Variants in IL17RA observed in about 807,000 individuals in gnomAD.
IL17RA encodes interleukin-17 receptor A.
IL17RA carries 34 observed loss-of-function variants against 50.4 expected under a neutral mutation model. The observed-to-expected ratio is 0.67, with a 90% CI of 0.51 to 0.90. The LOEUF is 0.90. Ranked by LOEUF, IL17RA falls within the 40% of genes least tolerant of loss-of-function variation. The pLI, the probability that IL17RA is intolerant of heterozygous loss-of-function variation, is 0.00. For synonymous variants in IL17RA, 585 were observed against 510.4 expected (o/e 1.15, Z -1.97); for missense variants, 1,276 against 1,169.8 (o/e 1.09, Z -1.32).
rs541931710 is a variant in IL17RA, at chr22:17,086,221, C to CCCTCCA, written c.138+1013_138+1018dup. 1.2e-4 allele frequency among the ~76,000 whole-genome samples: 19 copies of CCCTCCA among 152,108 alleles called. No homozygotes were observed. The East Asian group carries it at 1.7e-3, about 14-fold the overall frequency. On this transcript the variant is annotated intron_variant, in intron 1 of 12. Coordinates refer to ENST00000319363, the MANE Select transcript of IL17RA (RefSeq NM_014339.7). ...CGCATCCCCGAGGGGATCTTTCCTC[C>CCCTCCA]CCTCCACCTCCACCTCCACCTCCAC...
chr22:17,101,640 A>C (rs570619837), intron 5 of IL17RA, among the ~76,000 whole-genome samples: 72 of 152,304 alleles, frequency 4.7e-4, no homozygotes, highest in African/African-American at 1.7e-3. Flanking sequence ...CTGTCCCTCC[A>C]TGGTGATTCA....
rs372834294 is a variant in IL17RA, at chr22:17,098,850, T to G, written c.386T>G (p.Phe129Cys). The G allele has an allele frequency of 6.2e-7, 1 of 1,614,090 alleles. No individual in the cohort carries two copies. The highest frequency in any genetic ancestry group is 8.5e-7 in the Non-Finnish European group (1 of 1,180,046). ...ACCAATGAACGTTTGTGCGTCAGGT[T>G]TGAGTTTCTGTCCAAACTGAGGCAT... ...LNTNERLCVR[F>C]EFLSKLRHHH... Residue 129 changes from phenylalanine to cysteine, a missense_variant, in exon 4 of 13, where the codon TTT becomes TGT. Transcript: ENST00000319363.
chr22:17,090,165 G>C (rs910062688), intron 1 of IL17RA, among the ~76,000 whole-genome samples: 2 of 152,190 alleles, frequency 1.3e-5, no homozygotes, highest in African/African-American at 4.8e-5. Context: ...TGGGACTACA[G>C]GCGCACGCCT....
rs41513146 is a variant in IL17RA at position 17,100,334 on chromosome 22, C to T, written c.424-21C>T. The T allele has an allele frequency of 0.011, 17,031 of 1,613,950 alleles. 678 individuals are homozygous for T. The East Asian group carries it at 0.11, about 11-fold the overall frequency. The stretch of plus-strand genomic sequence containing the variant: ...GAGGTGTGTGTAATCCATCCACCTT[C>T]CCTTCCTCCCTTCTCTTCAGTGGCG... On this transcript the variant is annotated intron_variant, in intron 4 of 12. Transcript: ENST00000319363.
intron 1 of IL17RA, among the ~76,000 whole-genome samples, chr22:17,090,984 G>C (rs551208405): frequency 3.3e-4 from 50 of 152,224 alleles, no homozygotes; most frequent in African/African-American, 1.0e-3. Context: ...GCTTTCCCCA[G>C]AGAACTTCCT....
chr22:17,098,015 G>C, intron 3 of IL17RA, 72 bp downstream of exon 3: 1 of 1,587,008 alleles, frequency 6.3e-7, no homozygotes, highest in Non-Finnish European at 8.6e-7. Flanking sequence ...TCAGGCTCAG[G>C]ATTGGGCTCC....
intron 4 of IL17RA, 90 bp from the exon 5 acceptor site, chr22:17,100,265 G>C: frequency 6.7e-7 from 1 of 1,492,476 alleles, no homozygotes; most frequent in Non-Finnish European, 9.3e-7. Context: ...CTGAATATTC[G>C]GGAGTGGGTG....
chr22:17,097,452 G>A, intron 2 of IL17RA: 3 of 514,530 alleles, frequency 5.8e-6, no homozygotes, highest in South Asian at 4.3e-5. Flanking sequence ...ATATTCAAGT[G>A]TCTGAGCCAA....
intron 11 of IL17RA, 137 bp from the exon 12 acceptor site, chr22:17,107,590 A>G: frequency 2.7e-6 from 2 of 754,568 alleles, no homozygotes. Context: ...GCGACCACCT[A>G]GCACGGCCTC....
At chr22:17,104,634 C>T (rs2061406279) in intron 8 of IL17RA, 92 bp from the exon 9 acceptor site, 3 of 1,166,962 alleles carry the variant, frequency 2.6e-6, no homozygotes, top group Non-Finnish European at 3.8e-6. Flanking sequence ...TGTAGCCAGC[C>T]AGGATCCCCT....
chr22:17,105,198 C>A (rs373036027), intron 9 of IL17RA, among the ~76,000 whole-genome samples: 1 of 152,180 alleles, frequency 6.6e-6, no homozygotes, highest in Non-Finnish European at 1.5e-5. Flanking sequence ...AGGATCCCCC[C>A]ACCCCAAACC....
intron 1 of IL17RA, among the ~76,000 whole-genome samples, chr22:17,087,980 C>A (rs1289839564): frequency 6.6e-6 from 1 of 152,180 alleles, no homozygotes; most frequent in East Asian, 1.9e-4. Context: ...TTCATCATGC[C>A]ACTCTTCCAG....
Position 17,109,887 on chromosome 22 carries a change from T to G in IL17RA, c.*67T>G. ...AGGAGTGTGTGTGCACGTATTCATC[T>G]GTGTGTACATGTCTGCATGTGTATA... On this transcript the variant is annotated 3_prime_UTR_variant, in exon 13 of 13. Transcript: ENST00000319363. 7.3e-7 allele frequency: 1 copy of G among 1,366,998 alleles called. No individual in the cohort carries two copies. The highest frequency in any genetic ancestry group is 1.0e-6 in the Non-Finnish European group (1 of 992,724). 84.7% of individuals were successfully genotyped at this position (1,366,998 alleles called of 1,614,324 possible). A position where few individuals can be genotyped will look rare whatever the true frequency, so the allele number is the denominator to read the frequency against.
chr22:17,106,145 C>A (rs1325367028), intron 11 of IL17RA, among the ~76,000 whole-genome samples, 191 bp downstream of exon 11: 1 of 152,226 alleles, frequency 6.6e-6, no homozygotes, highest in Non-Finnish European at 1.5e-5. Flanking sequence ...GTGCTATTTG[C>A]ACAGTATCTG....
chr22:17,109,250 G>T lies in IL17RA; in HGVS notation c.2031G>T (p.Leu677=), dbSNP rs1229080070. The change falls in exon 13 of 13, where the codon CTG becomes CTT. Residue 677 remains leucine (L), a synonymous_variant. Coordinates refer to ENST00000319363, the MANE Select transcript of IL17RA (RefSeq NM_014339.7). The part of the protein sequence containing the change: ...TLVLAAEEGA[L]VAAVEPGPLA... ...TGCTCGCCGCAGAGGAGGGGGCCCT[G>T]GTGGCCGCGGTGGAGCCTGGGCCCC... is the stretch of plus-strand genomic sequence containing the variant. 1.0e-4 allele frequency: 154 copies of T among 1,491,172 alleles called. No homozygotes were observed. Among genetic ancestry groups the T allele is most frequent in the Non-Finnish European group, 1.3e-4 (147 of 1,126,822 alleles). 92.4% of individuals were successfully genotyped at this position (1,491,172 alleles called of 1,614,324 possible).
chr22:17,104,842 TGGG>T (rs778788017), intron 9 of IL17RA, 32 bp downstream of exon 9: 1 of 1,606,628 alleles, frequency 6.2e-7, no homozygotes, highest in Non-Finnish European at 8.5e-7. Context: ...TAGGCCATAC[TGGG>T]AGAACAAGTG....
At chr22:17,090,078 A>G (rs531687128) in intron 1 of IL17RA, among the ~76,000 whole-genome samples, 16 of 151,980 alleles carry the variant, frequency 1.1e-4, no homozygotes, top group African/African-American at 3.9e-4. Flanking sequence ...GCTGGAGTGC[A>G]GGGGCGCAAT....
chr22:17,100,170 A>G (rs531099520), intron 4 of IL17RA, among the ~76,000 whole-genome samples, 185 bp from the exon 5 acceptor site: 3 of 149,954 alleles, frequency 2.0e-5, no homozygotes, highest in East Asian at 3.9e-4. Flanking sequence ...AACAGGCAGA[A>G]AGGACCAGAG....
In IL17RA at chr22:17,094,675, C is replaced by CTATATATATATATGTGTA. The variant is rs1568917420; in HGVS notation, c.139-2386_139-2385insATATATATATATGTGTAT. Among the ~76,000 whole-genome samples the CTATATATATATATGTGTA allele has an allele frequency of 3.7e-3, 181 of 49,314 alleles. 4 individuals are homozygous for CTATATATATATATGTGTA. Among genetic ancestry groups the CTATATATATATATGTGTA allele is most frequent in the Non-Finnish European group, 5.8e-3 (149 of 25,846 alleles). 32.4% of individuals were successfully genotyped at this position (49,314 alleles called of 152,430 possible). A position where few individuals can be genotyped will look rare whatever the true frequency, so the allele number is the denominator to read the frequency against. On this transcript the variant is annotated intron_variant, in intron 1 of 12. Coordinates refer to ENST00000319363, the MANE Select transcript of IL17RA (RefSeq NM_014339.7). ...ACACACACTCTCTCTCTCTCTCTCT[C>CTATATATATATATGTGTA]TCTCTCTCTCTCTCTCTATATATAT... is the stretch of plus-strand genomic sequence containing the variant.
Sources: allele counts gnomAD v4.1 joint callset (sites outside exome capture counted in the v4.1 genomes callset), GRCh38; gene constraint gnomAD v4.1.1; transcripts MANE v1.5; gene names NCBI Gene and HGNC (gene_info 2026-07-23, HGNC 2026-07-21).